Variants in IL3RA observed in about 807,000 individuals in gnomAD.
IL3RA encodes interleukin 3 receptor subunit alpha.
Under a neutral mutation model 52.3 loss-of-function variants are expected in IL3RA, and 73 were observed. The observed-to-expected ratio is 1.40, with a 90% CI of 1.16 to 1.70. The LOEUF is 1.70. Among genes scored for constraint, IL3RA ranks in the 40% most tolerant of loss-of-function variants. IL3RA has a pLI of 0.00. For missense variants in IL3RA, 664 were observed against 504.4 expected, an observed-to-expected ratio of 1.32 and a Z score of -3.03; for synonymous variants, 260 against 194.0, an observed-to-expected ratio of 1.34 and a Z score of -2.83.
intron 2 of IL3RA, among the ~76,000 whole-genome samples, chrX:1,343,062 G>A (rs769083911): frequency 1.3e-5 from 2 of 151,900 alleles, no homozygotes; most frequent in Admixed American, 6.6e-5. Context: ...GCGACAGAGT[G>A]AGACTCCGTC....
intron 7 of IL3RA, among the ~76,000 whole-genome samples, chrX:1,358,594 G>C (rs1385811633): frequency 6.6e-6 from 1 of 152,156 alleles, no homozygotes; most frequent in African/African-American, 2.4e-5. Context: ...GGGAGGCGGA[G>C]GTTGCAGTGA....
intron 10 of IL3RA, 90 bp downstream of exon 10, chrX:1,378,854 T>C: frequency 8.2e-7 from 1 of 1,223,702 alleles, no homozygotes; most frequent in East Asian, 2.5e-5. Flanking sequence ...TTATCATTAT[T>C]ATTTTTGTGA....
rs1161574892 is a variant in IL3RA at position 1,370,822 on chromosome X, C to G, written c.874+5570C>G. On this transcript the variant is annotated intron_variant, in intron 9 of 11. Transcript: ENST00000331035. ...CTGTGAGGACACAGGGAGAAGACGG[C>G]ATCTCCAAGCCCAGGAGAGGGGCCT... is the stretch of plus-strand genomic sequence containing the variant. Among the ~76,000 whole-genome samples, 7 of 77,728 alleles carry G rather than the reference C, an allele frequency of 9.0e-5. 2 individuals are homozygous for G. The highest frequency in any genetic ancestry group is 4.4e-4 in the African/African-American group (6 of 13,750). 51.0% of individuals were successfully genotyped at this position (77,728 alleles called of 152,430 possible).
intron 9 of IL3RA, 42 bp downstream of exon 9, chrX:1,365,294 CGGGGTGCGCGGGGTG>C: frequency 1.0e-6 from 1 of 997,714 alleles, no homozygotes; most frequent in Non-Finnish European, 1.4e-6. Flanking sequence ...GCGGGGTGAG[CGGGGTGCGCGGGGTG>C]AGCGGGGTGC....
Position 1,339,337 on chromosome X carries a change from G to A in IL3RA, c.-38-2391G>A, listed in dbSNP as rs189602455. Among the ~76,000 whole-genome samples the A allele has an allele frequency of 2.4e-3, 364 of 152,282 alleles. 3 individuals carry two copies. The highest frequency in any genetic ancestry group is 6.8e-3 in the Middle Eastern group (2 of 294). On this transcript the variant is annotated intron_variant, in intron 1 of 11. Transcript: ENST00000331035. ...GGTGGGCTGCGGTCCCTCTGCCCAGGCAGGAAGGGGCTCCGAGGCCTCTGG... is the reference window on the plus strand; with the variant it reads ...GGTGGGCTGCGGTCCCTCTGCCCAGACAGGAAGGGGCTCCGAGGCCTCTGG...
intron 9 of IL3RA, among the ~76,000 whole-genome samples, chrX:1,373,812 C>G (rs2088612383): frequency 1.5e-5 from 1 of 67,014 alleles, no homozygotes; most frequent in African/African-American, 1.6e-4. Flanking sequence ...AGGACACAGA[C>G]ACACACGGAG....
intron 8 of IL3RA, among the ~76,000 whole-genome samples, chrX:1,361,776 AAT>A (rs1441251126): frequency 7.9e-4 from 116 of 146,804 alleles, no homozygotes; most frequent in African/African-American, 2.5e-3. Context: ...AAAAAAAAAA[AAT>A]GAGAGCCGAG....
intron 9 of IL3RA, 70 bp from the exon 10 acceptor site, chrX:1,378,589 G>A: frequency 7.4e-7 from 1 of 1,355,338 alleles, no homozygotes; most frequent in African/African-American, 1.4e-5. Flanking sequence ...AGGGCCCCGG[G>A]GAGAGCTTAC....
chrX:1,349,218 G>C (rs762928280), intron 4 of IL3RA, among the ~76,000 whole-genome samples: 43 of 144,330 alleles, frequency 3.0e-4, no homozygotes, highest in Non-Finnish European at 5.1e-4. Context: ...GTCTCACTCT[G>C]TCCACCAGGC....
In IL3RA at chrX:1,382,494, G is replaced by A. The variant is rs1306451435; in HGVS notation, c.*29G>A. ...TGGGGTTCAGGGCTTGTGGGGGTCT[G>A]CCTCAATCTCCCTGGCCGGGCCAGG... On this transcript the variant is annotated 3_prime_UTR_variant, in exon 12 of 12. Coordinates refer to ENST00000331035, the MANE Select transcript of IL3RA (RefSeq NM_002183.4). The A allele has an allele frequency of 1.9e-6, 3 of 1,606,632 alleles. No homozygotes were observed. The South Asian group carries it at 3.3e-5, about 18-fold the overall frequency.
chrX:1,348,304 G>C, intron 3 of IL3RA, 127 bp from the exon 4 acceptor site: 1 of 748,056 alleles, frequency 1.3e-6, no homozygotes, highest in Non-Finnish European at 2.4e-6. Flanking sequence ...AGTGAGCCGA[G>C]ATCACGCCAC....
At position 1,337,993 on chromosome X, in the gene IL3RA, C is replaced by T. The variant is rs747596964; in HGVS notation, c.-39+1067C>T. 7.3e-4 allele frequency among the ~76,000 whole-genome samples: 108 copies of T among 148,158 alleles called. 3 individuals are homozygous for T. Among genetic ancestry groups the T allele is most frequent in the African/African-American group, 2.3e-3 (90 of 39,782 alleles). On this transcript the variant is annotated intron_variant, in intron 1 of 11. Coordinates refer to ENST00000331035, the MANE Select transcript of IL3RA (RefSeq NM_002183.4). ...ATAGCCAAGAGGTGGAGACAGCCCT[C>T]GTACCCATCTATAGATGAATGGAGA...
chrX:1,361,633 G>A (rs184952110), intron 8 of IL3RA, among the ~76,000 whole-genome samples: 3,005 of 151,756 alleles, frequency 0.02, 106 homozygotes, highest in African/African-American at 0.07. Context: ...GGCGCCTGTG[G>A]TCCCAGCTAC....
intron 2 of IL3RA, 98 bp from the exon 3 acceptor site, chrX:1,345,218 G>C: frequency 1.4e-6 from 1 of 697,608 alleles, no homozygotes; most frequent in African/African-American, 2.0e-5. Context: ...CAAAGGTATT[G>C]GCTAACTCCA....
At chrX:1,350,209 C>T (rs1464638785) in intron 4 of IL3RA, among the ~76,000 whole-genome samples, 6 of 151,660 alleles carry the variant, frequency 4.0e-5, no homozygotes, top group Admixed American at 3.3e-4. Flanking sequence ...AATCCCAGCA[C>T]TTTGGGAGGC....
At chrX:1,345,475 TTATTTATGTATTTATG>T (rs752676162) in intron 3 of IL3RA, 41 bp downstream of exon 3, 3 of 1,305,752 alleles carry the variant, frequency 2.3e-6, no homozygotes, top group Non-Finnish European at 1.1e-6. Flanking sequence ...TTTATTTTAT[TTATTTATGTATTTATG>T]TATTTATTTA....
intron 9 of IL3RA, among the ~76,000 whole-genome samples, chrX:1,368,214 G>C (rs1388132357): frequency 6.6e-5 from 10 of 151,578 alleles, no homozygotes; most frequent in South Asian, 2.1e-4. Context: ...AGCCGAGATC[G>C]CGCCACTGTG....
chrX:1,358,204 T>C (rs2086885688), intron 7 of IL3RA, among the ~76,000 whole-genome samples: 1 of 152,260 alleles, frequency 6.6e-6, no homozygotes, highest in East Asian at 1.9e-4. Context: ...GAGTCGTAGC[T>C]AGTCTGATGT....
chrX:1,342,562 T>TC (rs1569519201), intron 2 of IL3RA, among the ~76,000 whole-genome samples: 3 of 143,858 alleles, frequency 2.1e-5, no homozygotes. Context: ...TTAACTTCTT[T>TC]TTTTTTTTTT....
Sources: allele counts gnomAD v4.1 joint callset (sites outside exome capture counted in the v4.1 genomes callset), GRCh38; gene constraint gnomAD v4.1.1; transcripts MANE v1.5; gene names NCBI Gene and HGNC (gene_info 2026-07-23, HGNC 2026-07-21).